The following ADAM23 variants were observed in gnomAD, a reference collection of about 807,000 sequenced individuals.
The protein encoded by ADAM23 is disintegrin and metalloproteinase domain-containing protein 23.
In ADAM23, 33 loss-of-function variants were observed where a neutral mutation model predicts 120.1. That is an observed-to-expected ratio of 0.27 (90% CI 0.21 to 0.37). The LOEUF (loss-of-function observed/expected upper bound fraction) is 0.37. Among genes scored for constraint, ADAM23 ranks in the 10% least tolerant of loss-of-function variants. The probability of loss-of-function intolerance (pLI) is 1.00; values close to 1 mark genes in which losing one functional copy is unlikely to be tolerated. For missense variants in ADAM23, 862 were observed against 1,058.2 expected (o/e 0.81, Z 2.57); for synonymous variants, 367 against 375.2 (o/e 0.98, Z 0.25).
intron 2 of ADAM23, among the ~76,000 whole-genome samples, chr2:206,466,289 A>G (rs1408493238): frequency 6.6e-6 from 1 of 152,196 alleles, no homozygotes; most frequent in East Asian, 1.9e-4. Flanking sequence ...TTGAAATTTT[A>G]ACATGTATGT....
At chr2:206,479,190 T>G (rs1378145767) in intron 2 of ADAM23, among the ~76,000 whole-genome samples, 4 of 152,236 alleles carry the variant, frequency 2.6e-5, no homozygotes, top group Non-Finnish European at 5.9e-5. Context: ...TTCTAGCAAT[T>G]ATCAAATTGT....
chr2:206,513,326 A>C (rs925483860), intron 3 of ADAM23, among the ~76,000 whole-genome samples: 1 of 152,202 alleles, frequency 6.6e-6, no homozygotes, highest in African/African-American at 2.4e-5. Context: ...CAGTGAACAC[A>C]GGAATGATAA....
At chr2:206,614,473 G>A (rs1698896557) in intron 25 of ADAM23, among the ~76,000 whole-genome samples, 1 of 151,964 alleles carries the variant, frequency 6.6e-6, no homozygotes, top group African/African-American at 2.4e-5. Flanking sequence ...TGGCCAACAT[G>A]GTGAAACCCT....
chr2:206,523,195 C>T (rs1341051303), intron 3 of ADAM23, among the ~76,000 whole-genome samples: 1 of 152,136 alleles, frequency 6.6e-6, no homozygotes, highest in East Asian at 1.9e-4. Context: ...GTTTTCTAAA[C>T]TTTATTATGG....
chr2:206,490,181 G>A (rs937240179), intron 3 of ADAM23, among the ~76,000 whole-genome samples: 8 of 152,186 alleles, frequency 5.3e-5, no homozygotes, highest in Non-Finnish European at 8.8e-5. Flanking sequence ...TGAGATGGAC[G>A]GCGGCTGTCT....
At chr2:206,451,861 G>C (rs1260958310) in intron 2 of ADAM23, among the ~76,000 whole-genome samples, 1 of 152,202 alleles carries the variant, frequency 6.6e-6, no homozygotes, top group Non-Finnish European at 1.5e-5. Context: ...AGCGCATATT[G>C]ATTGAGCATA....
rs1697303133 is a variant in ADAM23 at position 206,542,129 on chromosome 2, A to G, written c.651A>G (p.Gly217=). The G allele has an allele frequency of 5.0e-6, 8 of 1,614,010 alleles. No individual in the cohort carries two copies. The highest frequency in any genetic ancestry group is 6.8e-6 in the Non-Finnish European group (8 of 1,179,870). The change falls in exon 5 of 26, where the codon GGA becomes GGG. Residue 217 remains glycine (G), a synonymous_variant. Coordinates refer to ENST00000264377, the MANE Select transcript of ADAM23 (RefSeq NM_003812.4). ...DSKVALSTCN[G]LHGMFEDDTF... is the part of the protein sequence containing the mutation. Reference sequence around the variant, plus strand: ...AGGTGGCTCTGTCAACCTGCAATGGACTTCAGTAAGTGGGAATCTCATTGG... The same window carrying G: ...AGGTGGCTCTGTCAACCTGCAATGGGCTTCAGTAAGTGGGAATCTCATTGG...
intron 3 of ADAM23, among the ~76,000 whole-genome samples, chr2:206,501,540 TAAG>T: frequency 6.6e-6 from 1 of 152,150 alleles, no homozygotes; most frequent in Middle Eastern, 3.4e-3. Context: ...GAATATAAAA[TAAG>T]AATACAGATC....
chr2:206,594,473 G>T (rs3732078), intron 22 of ADAM23, among the ~76,000 whole-genome samples: 4 of 152,050 alleles, frequency 2.6e-5, no homozygotes, highest in Non-Finnish European at 4.4e-5. Context: ...TTGAAAACAC[G>T]TGAAGATTTA....
chr2:206,531,541 C>G (rs1697063007), intron 4 of ADAM23, among the ~76,000 whole-genome samples: 1 of 152,094 alleles, frequency 6.6e-6, no homozygotes, highest in Non-Finnish European at 1.5e-5. Flanking sequence ...ACTTTCTTGT[C>G]TTCAGGGAGG....
chr2:206,506,379 G>A (rs1015466003), intron 3 of ADAM23, among the ~76,000 whole-genome samples: 2 of 152,176 alleles, frequency 1.3e-5, no homozygotes, highest in Non-Finnish European at 2.9e-5. Context: ...AAGCAGAATA[G>A]GGATGCAAAA....
Position 206,562,307 on chromosome 2 carries a change from CCTT to C in ADAM23, c.1345+18_1345+20del. 1.2e-6 allele frequency: 2 copies of C among 1,601,000 alleles called. No homozygotes were observed. The highest frequency in any genetic ancestry group is 1.7e-6 in the Non-Finnish European group (2 of 1,168,738). On this transcript the variant is annotated intron_variant, in intron 13 of 25. Coordinates refer to ENST00000264377, the MANE Select transcript of ADAM23 (RefSeq NM_003812.4). ...GCAGAAAGCCAAGTATGTACACTGA[CCTT>C]CTTACTCATTTTCATGTGCCATTCT...
chr2:206,473,360 T>G (rs989083903), intron 2 of ADAM23, among the ~76,000 whole-genome samples: 5 of 152,116 alleles, frequency 3.3e-5, no homozygotes, highest in Non-Finnish European at 5.9e-5. Context: ...GCAGACTCAC[T>G]CCACAAATTC....
At position 206,620,326 on chromosome 2, in the gene ADAM23, G is replaced by A. The variant is rs1699030746; in HGVS notation, c.*2699G>A. The A allele has an allele frequency of 6.6e-6, 1 of 152,090 alleles. No homozygotes were observed. Among genetic ancestry groups the A allele is most frequent in the African/African-American group, 2.4e-5 (1 of 41,406 alleles). The allele number at this position is 152,090 out of a possible 1,614,324, so 9.4% of individuals were successfully genotyped here. A position where few individuals can be genotyped will look rare whatever the true frequency, so the allele number is the denominator to read the frequency against. On this transcript the variant is annotated 3_prime_UTR_variant, in exon 26 of 26. Transcript: ENST00000264377. The stretch of plus-strand genomic sequence containing the variant: ...CAATTTCATAGGTAATCGAACCTAT[G>A]CTCCAATGTTAAATTATTTGTGTAT...
intron 2 of ADAM23, among the ~76,000 whole-genome samples, chr2:206,477,897 A>AAAAAATATATATATATATATATATAT (rs374524658): frequency 2.2e-4 from 21 of 93,562 alleles, no homozygotes; most frequent in Non-Finnish European, 2.8e-4. Context: ...AAAAAAAAAA[A>AAAAAATATATATATATATATATATAT]ATATATATAT....
At chr2:206,577,720 C>T (rs1698142770) in intron 18 of ADAM23, among the ~76,000 whole-genome samples, 2 of 149,778 alleles carry the variant, frequency 1.3e-5, no homozygotes, top group South Asian at 4.3e-4. Context: ...CCACAATAAA[C>T]ATACGTGTGC....
At chr2:206,550,641 G>T (rs1434340596) in intron 9 of ADAM23, among the ~76,000 whole-genome samples, 2 of 138,802 alleles carry the variant, frequency 1.4e-5, no homozygotes, top group Non-Finnish European at 3.0e-5. Flanking sequence ...TCGCTCTGTC[G>T]CCCAGCCTGG....
chr2:206,579,389 C>T (rs969774735), intron 18 of ADAM23, among the ~76,000 whole-genome samples: 3 of 152,106 alleles, frequency 2.0e-5, no homozygotes, highest in Non-Finnish European at 4.4e-5. Flanking sequence ...AGTCCTTAAT[C>T]CATCTTGAGT....
chr2:206,565,605 G>C (rs894138959), intron 14 of ADAM23, among the ~76,000 whole-genome samples: 1 of 152,182 alleles, frequency 6.6e-6, no homozygotes, highest in Non-Finnish European at 1.5e-5. Context: ...TTGGGAACTA[G>C]AGCAGCTTCC....
Sources: gnomAD v4.1 joint callset for allele counts (sites outside exome capture counted in the v4.1 genomes callset) on GRCh38, gnomAD v4.1.1 for gene constraint, MANE v1.5 for transcripts, NCBI Gene and HGNC (gene_info 2026-07-23, HGNC 2026-07-21) for gene names.